Variants in ST3GAL4 observed in about 807,000 individuals in gnomAD.
ST3GAL4 encodes CMP-N-acetylneuraminate-beta-galactosamide-alpha-2,3-sialyltransferase 4.
A neutral mutation model predicts 42.6 loss-of-function variants in ST3GAL4; 24 were observed. The ratio of observed to expected loss-of-function variants is 0.56; its 90% CI spans 0.41 to 0.79. The LOEUF is 0.79. Among genes scored for constraint, ST3GAL4 ranks in the 30% least tolerant of loss-of-function variants. ST3GAL4 has a pLI of 0.00. For missense variants in ST3GAL4, 311 were observed against 430.8 expected, an observed-to-expected ratio of 0.72 and a Z score of 2.46; for synonymous variants, 135 against 163.2, an observed-to-expected ratio of 0.83 and a Z score of 1.32.
At position 126,400,584 on chromosome 11, in the gene ST3GAL4, C is replaced by CA. The variant is rs1214083527; in HGVS notation, c.-60-5512_-60-5511insA. On this transcript the variant is annotated intron_variant, in intron 1 of 10. Coordinates refer to ENST00000444328, the MANE Select transcript of ST3GAL4 (RefSeq NM_001254757.2). The surrounding 1 kb of genome is among the most constrained non-coding windows in gnomAD (Gnocchi z 4.6). ...TCTCATGGCCGCAGACTGAAGGGGC[C>CA]TGGTTACCTAAGGGACCTTGGCTTC... Among the ~76,000 whole-genome samples, 3 of 152,148 alleles carry CA rather than the reference C, an allele frequency of 2.0e-5. No homozygotes were observed. The highest frequency in any genetic ancestry group is 4.4e-5 in the Non-Finnish European group (3 of 68,032).
intron 1 of ST3GAL4, among the ~76,000 whole-genome samples, chr11:126,399,831 AT>A (rs1174935387): frequency 6.6e-6 from 1 of 152,144 alleles, no homozygotes; most frequent in Non-Finnish European, 1.5e-5. Context: ...GATGACTGTT[AT>A]GCCAGTTTCC....
Position 126,384,087 on chromosome 11 carries a change from C to G in ST3GAL4, c.-60-22009C>G, listed in dbSNP as rs977268731. Among the ~76,000 whole-genome samples, 10 of 152,210 alleles carry G rather than the reference C, an allele frequency of 6.6e-5. No individual in the cohort carries two copies. In the East Asian group the frequency reaches 1.9e-3, roughly 29 times the overall value. On this transcript the variant is annotated intron_variant, in intron 1 of 10. Coordinates refer to ENST00000444328, the MANE Select transcript of ST3GAL4 (RefSeq NM_001254757.2). The surrounding 1 kb of genome is among the most constrained non-coding windows in gnomAD (Gnocchi z 5.5). Reference sequence around the variant, plus strand: ...GCCTTGATACTCCCCGGCTCAACCCCTTTAACCCTGCTGGCTCCTAATGGG... The same window carrying G: ...GCCTTGATACTCCCCGGCTCAACCCGTTTAACCCTGCTGGCTCCTAATGGG...
rs774863002 is a variant in ST3GAL4 at position 126,409,233 on chromosome 11, G to A, written c.628-35G>A. 18 of 1,606,800 alleles carry A rather than the reference G, an allele frequency of 1.1e-5. No individual in the cohort carries two copies. Among genetic ancestry groups the A allele is most frequent in the South Asian group, 3.3e-5 (3 of 90,884 alleles). On this transcript the variant is annotated intron_variant, in intron 8 of 10. Transcript: ENST00000444328. The surrounding 1 kb of genome is among the most constrained non-coding windows in gnomAD (Gnocchi z 4.9). ...GGATTTGAGAAACAGGGCTTCACCC[G>A]CTTCTGTCTCTCTCTTCTGACCCCA...
intron 1 of ST3GAL4, among the ~76,000 whole-genome samples, chr11:126,399,949 C>T (rs976804937): frequency 2.0e-5 from 3 of 152,202 alleles, no homozygotes; most frequent in African/African-American, 7.2e-5. Context: ...AAGTTTCAGA[C>T]TTTCCCTACA....
chr11:126,402,092 A>AGGGGGGG (rs372167321), intron 1 of ST3GAL4, among the ~76,000 whole-genome samples: 58 of 138,996 alleles, frequency 4.2e-4, no homozygotes, highest in East Asian at 3.4e-3. Flanking sequence ...TTTGGGGGAA[A>AGGGGGGG]GAGGGGAGGT....
At chr11:126,403,358 C>T in intron 1 of ST3GAL4, 1 of 976,306 alleles carries the variant, frequency 1.0e-6, no homozygotes, top group Non-Finnish European at 1.2e-6. Context: ...CGCTGCTCAC[C>T]TCTGACGCCA....
chr11:126,362,324 C>T lies in ST3GAL4; in HGVS notation c.-61+6482C>T, dbSNP rs543860104. On this transcript the variant is annotated intron_variant, in intron 1 of 10. Transcript: ENST00000444328. The stretch of plus-strand genomic sequence containing the variant: ...GCGAGATTCTCCTACCTCAGCCTCC[C>T]GAGTAGCTGGGATTATAGGTGCCCA... Among the ~76,000 whole-genome samples, 28 of 151,792 alleles carry T rather than the reference C, an allele frequency of 1.8e-4. No individual in the cohort carries two copies. The Middle Eastern group carries it at 0.01, about 56-fold the overall frequency.
rs1952316734 is a variant in ST3GAL4 at position 126,363,451 on chromosome 11, G to A, written c.-61+7609G>A. The stretch of plus-strand genomic sequence containing the variant: ...TTGCCTGGAGGCCGGGAATGTTCAG[G>A]AGAGCCTTCATTGGGAGCCCATGGG... On this transcript the variant is annotated intron_variant, in intron 1 of 10. Transcript: ENST00000444328. The surrounding 1 kb of genome is among the most constrained non-coding windows in gnomAD (Gnocchi z 4.6). 6.6e-6 allele frequency among the ~76,000 whole-genome samples: 1 copy of A among 152,194 alleles called. No individual in the cohort carries two copies. The highest frequency in any genetic ancestry group is 6.5e-5 in the Admixed American group (1 of 15,282).
intron 1 of ST3GAL4, among the ~76,000 whole-genome samples, chr11:126,356,882 C>T (rs1353348121): frequency 1.3e-5 from 2 of 152,264 alleles, no homozygotes; most frequent in African/African-American, 4.8e-5. Flanking sequence ...GTGTCACTGT[C>T]TCCTGAGCTG....
chr11:126,358,373 C>G (rs890582492), intron 1 of ST3GAL4: 20 of 378,648 alleles, frequency 5.3e-5, no homozygotes, highest in Non-Finnish European at 5.4e-5. Context: ...ATTTGGGTGA[C>G]TCTTGTTATT....
intron 10 of ST3GAL4, 90 bp from the exon 11 acceptor site, chr11:126,413,871 G>A (rs1235297320): frequency 4.7e-6 from 7 of 1,492,586 alleles, no homozygotes; most frequent in South Asian, 2.3e-5. Flanking sequence ...CCCAAGAAGT[G>A]TGGGGCCATT....
At chr11:126,402,977 T>C (rs1954073381) in intron 1 of ST3GAL4, among the ~76,000 whole-genome samples, 1 of 152,230 alleles carries the variant, frequency 6.6e-6, no homozygotes, top group Non-Finnish European at 1.5e-5. Flanking sequence ...ATTCGATGCC[T>C]GCTTTCCCAC....
rs985481772 is a variant in ST3GAL4, at chr11:126,400,495, A to G, written c.-60-5601A>G. ...GGTGGAAAAGGGATGTGGCAGCTAC[A>G]GTGGGAGGGAAAAGGTGGCTCCCTT... On this transcript the variant is annotated intron_variant, in intron 1 of 10. Transcript: ENST00000444328. The surrounding 1 kb of genome is among the most constrained non-coding windows in gnomAD (Gnocchi z 4.6). 6.6e-6 allele frequency among the ~76,000 whole-genome samples: 1 copy of G among 152,182 alleles called. No homozygotes were observed. The highest frequency in any genetic ancestry group is 2.4e-5 in the African/African-American group (1 of 41,448).
intron 1 of ST3GAL4, among the ~76,000 whole-genome samples, chr11:126,394,202 T>G (rs1300881294): frequency 7.0e-6 from 1 of 143,606 alleles, no homozygotes; most frequent in Non-Finnish European, 1.6e-5. Flanking sequence ...TACCTTTGGC[T>G]TTAGATCCTT....
intron 1 of ST3GAL4, chr11:126,358,410 C>T (rs1202436976): frequency 2.3e-6 from 1 of 436,124 alleles, no homozygotes; most frequent in Non-Finnish European, 4.6e-6. Context: ...TTGCCCCCTT[C>T]CCAGAGGCTT....
At chr11:126,413,177 C>T (rs1044100775) in intron 9 of ST3GAL4, among the ~76,000 whole-genome samples, 3 of 152,262 alleles carry the variant, frequency 2.0e-5, no homozygotes, top group South Asian at 2.1e-4. Context: ...GCATTCTTAG[C>T]GCACGACAGC....
chr11:126,359,017 C>G lies in ST3GAL4; in HGVS notation c.-61+3175C>G, dbSNP rs943360557. ...CACCTGAGTAGGAGAGTTCCTTTGTCCCACCTGCAGCTCATTCAAGCCTGT... is the reference window on the plus strand; with the variant it reads ...CACCTGAGTAGGAGAGTTCCTTTGTGCCACCTGCAGCTCATTCAAGCCTGT... On this transcript the variant is annotated intron_variant, in intron 1 of 10. Coordinates refer to ENST00000444328, the MANE Select transcript of ST3GAL4 (RefSeq NM_001254757.2). The surrounding 1 kb of genome is among the most constrained non-coding windows in gnomAD (Gnocchi z 4.8). Among the ~76,000 whole-genome samples the G allele has an allele frequency of 6.6e-5, 10 of 152,150 alleles. No homozygotes were observed. Among genetic ancestry groups the G allele is most frequent in the Admixed American group, 6.6e-4 (10 of 15,264 alleles).
rs891333135 is a variant in ST3GAL4 at position 126,391,956 on chromosome 11, T to A, written c.-60-14140T>A. On this transcript the variant is annotated intron_variant, in intron 1 of 10. Coordinates refer to ENST00000444328, the MANE Select transcript of ST3GAL4 (RefSeq NM_001254757.2). The surrounding 1 kb of genome is among the most constrained non-coding windows in gnomAD (Gnocchi z 5.5). ...TTGGTCGTGTGTGTGTGTGTGTGTG[T>A]GTGTGTGTGTGTGTGTATGTGTGTG... is the stretch of plus-strand genomic sequence containing the variant. 5.0e-5 allele frequency among the ~76,000 whole-genome samples: 7 copies of A among 138,900 alleles called. No individual in the cohort carries two copies. The highest frequency in any genetic ancestry group is 2.0e-4 in the African/African-American group (7 of 35,496). 91.1% of individuals were successfully genotyped at this position (138,900 alleles called of 152,430 possible). A position where few individuals can be genotyped will look rare whatever the true frequency, so the allele number is the denominator to read the frequency against.
chr11:126,413,694 C>T (rs764147958), intron 10 of ST3GAL4, 46 bp downstream of exon 10: 2 of 1,606,852 alleles, frequency 1.2e-6, no homozygotes, highest in Non-Finnish European at 1.7e-6. Flanking sequence ...CGTGGACGGG[C>T]AGACAGTCAG....
Sources: gnomAD v4.1 joint callset for allele counts (sites outside exome capture counted in the v4.1 genomes callset) on GRCh38, gnomAD v4.1.1 for gene constraint, Gnocchi (gnomAD v3.1) non-coding constraint, MANE v1.5 for transcripts, NCBI Gene and HGNC (gene_info 2026-07-23, HGNC 2026-07-21) for gene names.